Variants in FANK1 observed in about 807,000 individuals in gnomAD.
The protein encoded by FANK1 is fibronectin type III and ankyrin repeat domains 1.
A neutral mutation model predicts 45.3 loss-of-function variants in FANK1; 44 were observed. That is an observed-to-expected ratio of 0.97 (90% CI 0.76 to 1.25). FANK1 has a LOEUF of 1.25. FANK1 is among the 50% of genes most tolerant of loss of function. The pLI is 0.00. For missense variants in FANK1, 391 were observed against 424.4 expected (o/e 0.92, Z 0.69); for synonymous variants, 149 against 152.5 (o/e 0.98, Z 0.17).
In FANK1 at chr10:125,955,299, C is replaced by A. The variant is rs145394422; in HGVS notation, c.14-24862C>A. 9.9e-5 allele frequency among the ~76,000 whole-genome samples: 15 copies of A among 152,138 alleles called. No homozygotes were observed. In the East Asian group the frequency reaches 2.5e-3, roughly 25 times the overall value. ...GACAGACCCCAGTGTGTGTTGGTCC[C>A]CCCCATGTGACCATGTGTTCTCATC... is the stretch of plus-strand genomic sequence containing the variant. On this transcript the variant is annotated intron_variant, in intron 1 of 10. Coordinates refer to ENST00000368693, the MANE Select transcript of FANK1 (RefSeq NM_145235.5).
intron 1 of FANK1, among the ~76,000 whole-genome samples, chr10:125,922,622 TCCTCCCA>T (rs1308759451): frequency 6.6e-6 from 1 of 152,172 alleles, no homozygotes; most frequent in Non-Finnish European, 1.5e-5. Flanking sequence ...GCTCAAGTGA[TCCTCCCA>T]CCTCAGCCTC....
chr10:125,921,371 G>T (rs1274985891), intron 1 of FANK1, among the ~76,000 whole-genome samples: 1 of 151,968 alleles, frequency 6.6e-6, no homozygotes, highest in Non-Finnish European at 1.5e-5. Context: ...CCTTTTTATT[G>T]CCAAATAGTA....
chr10:125,980,306 C>T lies in FANK1; in HGVS notation c.159C>T (p.Asp53=). Residue 53 remains aspartate (D), a synonymous_variant, in exon 2 of 11, where the codon GAC becomes GAT. Coordinates refer to ENST00000368693, the MANE Select transcript of FANK1 (RefSeq NM_145235.5). ...QWFRFSIEEE[D]PKMHTYGIIY... ...TCAGGTTCTCGATTGAAGAAGAAGA[C>T]CCCAAAATGCACACTTATGGTATCA... The T allele has an allele frequency of 6.2e-7, 1 of 1,614,098 alleles. No individual in the cohort carries two copies. The highest frequency in any genetic ancestry group is 8.5e-7 in the Non-Finnish European group (1 of 1,180,022).
intron 1 of FANK1, among the ~76,000 whole-genome samples, chr10:125,970,498 A>C (rs2134189718): frequency 6.6e-6 from 1 of 152,294 alleles, no homozygotes; most frequent in East Asian, 1.9e-4. Flanking sequence ...GTGGAGGTTC[A>C]CACCACTGTA....
intron 3 of FANK1, 172 bp downstream of exon 3, chr10:125,988,847 G>C (rs1413226160): frequency 2.9e-6 from 3 of 1,021,046 alleles, no homozygotes; most frequent in Non-Finnish European, 4.4e-6. Context: ...TGTAATGTCA[G>C]GGAAGTCTAA....
chr10:125,994,257 G>T (rs571073000), intron 3 of FANK1: 7 of 415,478 alleles, frequency 1.7e-5, no homozygotes, highest in African/African-American at 6.4e-5. Context: ...TTCTTTCAGG[G>T]TTTAGAATAA....
intron 1 of FANK1, among the ~76,000 whole-genome samples, chr10:125,957,482 G>A (rs1168513384): frequency 1.3e-5 from 2 of 151,774 alleles, no homozygotes; most frequent in East Asian, 1.9e-4. Flanking sequence ...GTGTATTAGC[G>A]ATGAGCTCTC....
Position 125,919,195 on chromosome 10 carries a change from A to ATTTTTTTTTTTTTTTT in FANK1, c.13+22553_13+22568dup, listed in dbSNP as rs142716284. 1.2e-3 allele frequency among the ~76,000 whole-genome samples: 60 copies of ATTTTTTTTTTTTTTTT among 51,878 alleles called. 8 individuals are homozygous for ATTTTTTTTTTTTTTTT. The highest frequency in any genetic ancestry group is 0.019 in the Middle Eastern group (1 of 54). 34.0% of individuals were successfully genotyped at this position (51,878 alleles called of 152,430 possible). A position where few individuals can be genotyped will look rare whatever the true frequency, so the allele number is the denominator to read the frequency against. On this transcript the variant is annotated intron_variant, in intron 1 of 10. Transcript: ENST00000368693. ...AGTAAAATACTTCCAGGAGGTAAGA[A>ATTTTTTTTTTTTTTTT]TTTTTTTTTTTTTTTTTTTTTTTTT...
At chr10:125,965,731 G>C (rs1464167532) in intron 1 of FANK1, among the ~76,000 whole-genome samples, 1 of 152,166 alleles carries the variant, frequency 6.6e-6, no homozygotes, top group Non-Finnish European at 1.5e-5. Context: ...ATGATTTTTT[G>C]CTTAGAGCAA....
At chr10:125,947,999 T>A (rs1000627188) in intron 1 of FANK1, among the ~76,000 whole-genome samples, 23 of 150,318 alleles carry the variant, frequency 1.5e-4, no homozygotes, top group African/African-American at 5.4e-4. Context: ...CTGAACAACC[T>A]GCTCCTGAAT....
chr10:125,981,688 T>C (rs763617872), intron 2 of FANK1, among the ~76,000 whole-genome samples: 48 of 152,166 alleles, frequency 3.2e-4, no homozygotes, highest in Non-Finnish European at 5.9e-4. Context: ...TAGATTCATA[T>C]CCAGTTGTAA....
intron 1 of FANK1, among the ~76,000 whole-genome samples, chr10:125,902,719 C>G (rs1386461767): frequency 6.6e-6 from 1 of 152,118 alleles, no homozygotes. Flanking sequence ...GACCAAGCGG[C>G]CACGAGGTCA....
In FANK1 at chr10:125,997,413, C is replaced by T. The variant is rs764003777; in HGVS notation, c.474-7C>T. 2.9e-5 allele frequency: 46 copies of T among 1,613,044 alleles called. No homozygotes were observed. The highest frequency in any genetic ancestry group is 3.3e-4 in the Middle Eastern group (2 of 6,084). On this transcript the variant is annotated splice_polypyrimidine_tract_variant and splice_region_variant and intron_variant, in intron 5 of 10. Coordinates refer to ENST00000368693, the MANE Select transcript of FANK1 (RefSeq NM_145235.5). ...TATCTAGCTACACTTAAGTTTGTTT[C>T]CTTTAGGCTTGTGAAAATCCTAGTT...
chr10:125,991,250 G>GGTGTGTGTGTGTGTGTGT (rs113257579), intron 3 of FANK1, among the ~76,000 whole-genome samples: 6,346 of 145,816 alleles, frequency 0.044, 144 homozygotes, highest in Non-Finnish European at 0.057. Context: ...GGTGACCAGG[G>GGTGTGTGTGTGTGTGTGT]GTGTGTGTGT....
chr10:125,935,572 A>T (rs1948042227), intron 1 of FANK1, among the ~76,000 whole-genome samples: 1 of 152,236 alleles, frequency 6.6e-6, no homozygotes, highest in African/African-American at 2.4e-5. Context: ...TGTCTTTAAG[A>T]AAAAGAATGC....
intron 1 of FANK1, among the ~76,000 whole-genome samples, chr10:125,961,134 T>A (rs1227915587): frequency 6.6e-6 from 1 of 152,184 alleles, no homozygotes; most frequent in East Asian, 1.9e-4. Flanking sequence ...TGAGACAGTG[T>A]CTCACTCCAT....
At chr10:126,004,480 C>G (rs1953026339) in intron 6 of FANK1, 1 of 158,862 alleles carries the variant, frequency 6.3e-6, no homozygotes, top group African/African-American at 2.4e-5. Flanking sequence ...ATCCCCTGCC[C>G]CCCTGAAAGA....
intron 1 of FANK1, 68 bp from the exon 2 acceptor site, chr10:125,980,093 T>C (rs1951101535): frequency 4.0e-6 from 6 of 1,512,790 alleles, no homozygotes; most frequent in African/African-American, 2.8e-5. Flanking sequence ...GCAGCTGTAA[T>C]CCACTCGACT....
Position 125,930,627 on chromosome 10 carries a change from G to A in FANK1, c.13+33972G>A, listed in dbSNP as rs1301416689. ...TCTGGGATTACAAGTAGGAGCCACC[G>A]CACCTGGCCCATCTTCATTGTTCTT... On this transcript the variant is annotated intron_variant, in intron 1 of 10. Transcript: ENST00000368693. Among the ~76,000 whole-genome samples, 10 of 151,804 alleles carry A rather than the reference G, an allele frequency of 6.6e-5. No homozygotes were observed. The East Asian group carries it at 9.7e-4, about 15-fold the overall frequency.
Sources: allele counts gnomAD v4.1 joint callset (sites outside exome capture counted in the v4.1 genomes callset), GRCh38; gene constraint gnomAD v4.1.1; transcripts MANE v1.5; gene names NCBI Gene and HGNC (gene_info 2026-07-23, HGNC 2026-07-21).